The following ATG10 variants were observed in gnomAD, a reference collection of about 807,000 sequenced individuals.
The protein encoded by ATG10 is ubiquitin-like-conjugating enzyme ATG10.
Under a neutral mutation model 32.1 loss-of-function variants are expected in ATG10, and 30 were observed. The observed-to-expected ratio is 0.94, with a 90% CI of 0.70 to 1.27. The LOEUF (loss-of-function observed/expected upper bound fraction) is 1.27. ATG10 is among the 50% of genes most tolerant of loss of function. The pLI is 0.00. For synonymous variants in ATG10, 87 were observed against 91.5 expected (o/e 0.95, Z 0.28); for missense variants, 233 against 262.3 (o/e 0.89, Z 0.77).
Position 82,026,066 on chromosome 5 carries a change from C to G in ATG10, c.109-32429C>G, listed in dbSNP as rs541301836. Among the ~76,000 whole-genome samples, 82 of 152,272 alleles carry G rather than the reference C, an allele frequency of 5.4e-4. 1 individual carries two copies. The highest frequency in any genetic ancestry group is 1.9e-3 in the South Asian group (9 of 4,824). ...TAAGTACATTCACATTGCTATGTAA[C>G]CATCAGCACCATCCTTTTCCAGAAC... is the stretch of plus-strand genomic sequence containing the variant. On this transcript the variant is annotated intron_variant, in intron 2 of 7. Coordinates refer to ENST00000282185, the MANE Select transcript of ATG10 (RefSeq NM_031482.5).
At chr5:82,232,762 A>AT (rs11342560) in intron 5 of ATG10, among the ~76,000 whole-genome samples, 9 of 151,416 alleles carry the variant, frequency 5.9e-5, no homozygotes, top group East Asian at 1.9e-4. Context: ...AGCAGCCAAC[A>AT]TTTTTTTTTA....
rs139406545 is a variant in ATG10 at position 82,203,605 on chromosome 5, T to C, written c.453+25018T>C. Among the ~76,000 whole-genome samples, 35 of 152,346 alleles carry C rather than the reference T, an allele frequency of 2.3e-4. No homozygotes were observed. The East Asian group carries it at 6.7e-3, about 29-fold the overall frequency. ...GCTATATATATTTTTTATCTCATATTGTTGTACTTAAAAATTCCACTCTAG... is the reference window on the plus strand; with the variant it reads ...GCTATATATATTTTTTATCTCATATCGTTGTACTTAAAAATTCCACTCTAG... On this transcript the variant is annotated intron_variant, in intron 5 of 7. Coordinates refer to ENST00000282185, the MANE Select transcript of ATG10 (RefSeq NM_031482.5).
At chr5:81,982,439 T>G (rs1463368288) in intron 1 of ATG10, among the ~76,000 whole-genome samples, 1 of 152,130 alleles carries the variant, frequency 6.6e-6, no homozygotes, top group Non-Finnish European at 1.5e-5. Flanking sequence ...GCCTGGGCGA[T>G]TCCGTCTCCA....
intron 3 of ATG10, among the ~76,000 whole-genome samples, chr5:82,098,326 T>A (rs2149800033): frequency 6.8e-6 from 1 of 147,982 alleles, no homozygotes; most frequent in East Asian, 1.9e-4. Flanking sequence ...TTTTTTTTTT[T>A]TTTGAGACTG....
chr5:82,090,282 A>G (rs570262662), intron 3 of ATG10, among the ~76,000 whole-genome samples: 8 of 152,230 alleles, frequency 5.3e-5, no homozygotes, highest in Non-Finnish European at 1.2e-4. Context: ...AGAAATTAAA[A>G]CTTATGTTCA....
At chr5:82,194,977 G>A (rs186886560) in intron 5 of ATG10, among the ~76,000 whole-genome samples, 4 of 152,206 alleles carry the variant, frequency 2.6e-5, no homozygotes, top group Non-Finnish European at 4.4e-5. Flanking sequence ...AACTGCACAT[G>A]TACCAAAGTG....
At chr5:82,222,558 A>G (rs2149994765) in intron 5 of ATG10, among the ~76,000 whole-genome samples, 1 of 152,350 alleles carries the variant, frequency 6.6e-6, no homozygotes, top group Middle Eastern at 3.4e-3. Context: ...TAACACTACT[A>G]TGTGTTAGTA....
intron 3 of ATG10, among the ~76,000 whole-genome samples, chr5:82,097,462 G>T (rs1015765743): frequency 2.6e-5 from 4 of 152,108 alleles, no homozygotes; most frequent in African/African-American, 9.7e-5. Flanking sequence ...AGTCTCAGGA[G>T]AAGTCACAAT....
intron 5 of ATG10, among the ~76,000 whole-genome samples, chr5:82,251,959 A>T (rs912761143): frequency 6.6e-6 from 1 of 152,186 alleles, no homozygotes; most frequent in African/African-American, 2.4e-5. Context: ...ATGAGGAAAA[A>T]GAAAAACAAA....
At chr5:82,001,401 A>G (rs1206310910) in intron 2 of ATG10, among the ~76,000 whole-genome samples, 2 of 152,200 alleles carry the variant, frequency 1.3e-5, no homozygotes, top group Admixed American at 6.5e-5. Flanking sequence ...TTCAAACTAT[A>G]CTATGAGGCT....
At chr5:82,220,793 G>T (rs1338828315) in intron 5 of ATG10, among the ~76,000 whole-genome samples, 1 of 145,822 alleles carries the variant, frequency 6.9e-6, no homozygotes, top group Non-Finnish European at 1.5e-5. Context: ...ATGGAATCTC[G>T]CTTTGTTGCC....
chr5:81,975,074 A>T (rs1003814388), intron 1 of ATG10, among the ~76,000 whole-genome samples: 1 of 152,196 alleles, frequency 6.6e-6, no homozygotes, highest in Non-Finnish European at 1.5e-5. Context: ...TCTCTGTCTC[A>T]ATTTCCTTAT....
chr5:82,069,809 A>G (rs2149766163), intron 3 of ATG10, among the ~76,000 whole-genome samples: 1 of 152,312 alleles, frequency 6.6e-6, no homozygotes, highest in Non-Finnish European at 1.5e-5. Flanking sequence ...TTATTTCTGA[A>G]TTTATGTGCT....
At chr5:82,242,605 A>G (rs1238504763) in intron 5 of ATG10, among the ~76,000 whole-genome samples, 1 of 152,178 alleles carries the variant, frequency 6.6e-6, no homozygotes, top group East Asian at 1.9e-4. Context: ...AGAAGATCTT[A>G]AAGCGAATGA....
intron 5 of ATG10, among the ~76,000 whole-genome samples, chr5:82,231,478 A>G (rs1369103550): frequency 1.3e-5 from 2 of 152,158 alleles, no homozygotes; most frequent in Non-Finnish European, 2.9e-5. Context: ...AAGCTCTATT[A>G]CTATGTTTAT....
At chr5:82,081,851 A>G (rs914927120) in intron 3 of ATG10, among the ~76,000 whole-genome samples, 2 of 152,154 alleles carry the variant, frequency 1.3e-5, no homozygotes, top group African/African-American at 4.8e-5. Context: ...AGGCCTTGGT[A>G]TCAGGATGAT....
intron 4 of ATG10, among the ~76,000 whole-genome samples, chr5:82,177,384 C>T (rs560505209): frequency 7.2e-5 from 11 of 152,056 alleles, no homozygotes; most frequent in Non-Finnish European, 1.6e-4. Flanking sequence ...TTTTGGAGCT[C>T]TTGAGTAGAT....
intron 1 of ATG10, among the ~76,000 whole-genome samples, chr5:81,984,015 C>G (rs1356852759): frequency 6.6e-6 from 1 of 152,210 alleles, no homozygotes; most frequent in Non-Finnish European, 1.5e-5. Context: ...CCTCACTTTC[C>G]AGACGGGGTG....
At position 82,167,849 on chromosome 5, in the gene ATG10, A is replaced by G. The variant is rs1388664727; in HGVS notation, c.355+3312A>G. Among the ~76,000 whole-genome samples, 3 of 152,362 alleles carry G rather than the reference A, an allele frequency of 2.0e-5. 1 individual carries two copies. Among genetic ancestry groups the G allele is most frequent in the Non-Finnish European group, 1.5e-5 (1 of 68,040 alleles). ...GGGCAACGTGGATTTAAGAGAAGAA[A>G]TAAGCCCTTCCATCCCAATGTTCTG... On this transcript the variant is annotated intron_variant, in intron 4 of 7. Transcript: ENST00000282185.
Sources: gnomAD v4.1 joint callset for allele counts (sites outside exome capture counted in the v4.1 genomes callset) on GRCh38, gnomAD v4.1.1 for gene constraint, MANE v1.5 for transcripts, NCBI Gene and HGNC (gene_info 2026-07-23, HGNC 2026-07-21) for gene names.